ZNF324B: variants seen among roughly 807,000 people sequenced by gnomAD.
ZNF324B encodes zinc finger protein 324B.
ZNF324B carries 7 observed loss-of-function variants against 10.6 expected under a neutral mutation model. The observed-to-expected ratio is 0.66, with a 90% CI of 0.38 to 1.24. ZNF324B has a LOEUF of 1.24. Ranked by LOEUF, ZNF324B falls within the 50% of genes most tolerant of loss-of-function variation. The pLI is 0.02. For missense variants in ZNF324B, 640 were observed against 764.7 expected (o/e 0.84, Z 1.92); for synonymous variants, 316 against 321.0 (o/e 0.98, Z 0.17).
At chr19:58,451,196 G>A (rs528863887), upstream of ZNF324B, among the ~76,000 whole-genome samples, 15 of 152,308 alleles carry the variant, frequency 9.8e-5, no homozygotes, top group South Asian at 2.9e-3. Context: ...AGCTGGGAAG[G>A]GAACCCGGAG....
the ZNF324B span, among the ~76,000 whole-genome samples, chr19:58,427,449 T>TTCCTTCCTTCCTTCC: frequency 3.7e-5 from 2 of 54,754 alleles, no homozygotes; most frequent in Non-Finnish European, 3.1e-5. Context: ...CTTCCTTTCC[T>TTCCTTCCTTCCTTCC]TTCCCTTCCT....
At chr19:58,440,011 G>A in the ZNF324B span, 14 of 602,856 alleles carry the variant, frequency 2.3e-5, no homozygotes, top group Non-Finnish European at 3.7e-5. Context: ...GAACACCTTG[G>A]CTCATAAAAG....
At chr19:58,434,927 A>G in the ZNF324B span, 2 of 1,614,082 alleles carry the variant, frequency 1.2e-6, no homozygotes, top group Non-Finnish European at 8.5e-7. Context: ...CTGTCCTTGT[A>G]CCATCTAAAG....
At chr19:58,419,725 G>A in the ZNF324B span, among the ~76,000 whole-genome samples, 1 of 152,218 alleles carries the variant, frequency 6.6e-6, no homozygotes, top group Non-Finnish European at 1.5e-5. Context: ...GGCCTTTGCA[G>A]TTGTCAAGTT....
chr19:58,424,981 C>G, the ZNF324B span, among the ~76,000 whole-genome samples: 1 of 152,106 alleles, frequency 6.6e-6, no homozygotes, highest in Non-Finnish European at 1.5e-5. Context: ...TTTGGCCAGG[C>G]ACTGTGGCTC....
chr19:58,434,446 G>T, the ZNF324B span: 12 of 1,614,136 alleles, frequency 7.4e-6, no homozygotes, highest in East Asian at 4.5e-5. Context: ...ATGAACAAAT[G>T]TGAGTTTGTG....
At chr19:58,435,450 C>T in the ZNF324B span, 1 of 459,788 alleles carries the variant, frequency 2.2e-6, no homozygotes, top group East Asian at 3.6e-5. Flanking sequence ...GGTCAAAGGA[C>T]TTAAATAGAC....
chr19:58,423,730 G>A, the ZNF324B span, among the ~76,000 whole-genome samples: 1,200 of 152,176 alleles, frequency 7.9e-3, 24 homozygotes, highest in African/African-American at 0.028. Context: ...CATAGACCAC[G>A]GAAACATAAT....
chr19:58,419,091 A>G, the ZNF324B span: 2 of 152,142 alleles, frequency 1.3e-5, no homozygotes, highest in African/African-American at 4.8e-5. Flanking sequence ...CCTAATTTGT[A>G]TTGGCCCCTG....
chr19:58,450,692 G>A (rs1715294097), upstream of ZNF324B, among the ~76,000 whole-genome samples: 1 of 152,138 alleles, frequency 6.6e-6, no homozygotes, highest in Non-Finnish European at 1.5e-5. Flanking sequence ...ATTTATAGAT[G>A]GAGGTGGGTA....
In ZNF324B at chr19:58,455,564, T is replaced by C; in HGVS notation, c.620T>C (p.Phe207Ser). The change falls in exon 4 of 4, where the codon TTC becomes TCC. Residue 207 changes from phenylalanine (F) to serine (S), a missense_variant. By Grantham distance (155) the Phe-to-Ser change is radical (BLOSUM62 -2). Transcript: ENST00000336614. The surrounding 1 kb of genome is among the most constrained non-coding windows in gnomAD (Gnocchi z 7.0). ...GCACAGGAGGTCCCTGGGAGAGCCTTCGGGAATGCCTCGGACCTGAAGGCC... is the reference window on the plus strand; with the variant it reads ...GCACAGGAGGTCCCTGGGAGAGCCTCCGGGAATGCCTCGGACCTGAAGGCC... ...PCAQEVPGRA[F>S]GNASDLKAAS... is the part of the protein sequence containing the mutation. 1 of 1,614,048 alleles carries C rather than the reference T, an allele frequency of 6.2e-7. No homozygotes were observed. The highest frequency in any genetic ancestry group is 8.5e-7 in the Non-Finnish European group (1 of 1,180,004).
At chr19:58,426,485 G>T in the ZNF324B span, among the ~76,000 whole-genome samples, 1 of 152,282 alleles carries the variant, frequency 6.6e-6, no homozygotes, top group East Asian at 1.9e-4. Context: ...CTGTGCCCCA[G>T]ATCGCACAAT....
chr19:58,439,793 A>G, the ZNF324B span: 14 of 1,547,646 alleles, frequency 9.0e-6, no homozygotes, highest in Non-Finnish European at 1.0e-5. Flanking sequence ...TGGCAACCCC[A>G]TTAGAACCTG....
the ZNF324B span, among the ~76,000 whole-genome samples, chr19:58,432,618 G>C: frequency 6.6e-6 from 1 of 152,134 alleles, no homozygotes. Context: ...ACTGAAACAG[G>C]CCACTATGTT....
At chr19:58,423,031 A>G in the ZNF324B span, among the ~76,000 whole-genome samples, 2 of 151,420 alleles carry the variant, frequency 1.3e-5, no homozygotes, top group East Asian at 2.0e-4. Context: ...CACTATGCTC[A>G]GCTAATTTTT....
At chr19:58,434,752 G>A in the ZNF324B span, 2 of 1,614,160 alleles carry the variant, frequency 1.2e-6, no homozygotes, top group Non-Finnish European at 8.5e-7. Flanking sequence ...TTTCTGTGTG[G>A]TACAGACTTC....
At chr19:58,429,147 A>T in the ZNF324B span, 1 of 152,164 alleles carries the variant, frequency 6.6e-6, no homozygotes, top group Non-Finnish European at 1.5e-5. Flanking sequence ...CTTCCTGCCC[A>T]TGCGGCTGTT....
At chr19:58,427,328 T>C in the ZNF324B span, among the ~76,000 whole-genome samples, 2 of 96,264 alleles carry the variant, frequency 2.1e-5, no homozygotes, top group East Asian at 2.4e-4. Context: ...TCTTTCTTTC[T>C]TTCTTTCTTT....
chr19:58,422,801 C>CAA, the ZNF324B span, among the ~76,000 whole-genome samples: 4 of 148,194 alleles, frequency 2.7e-5, no homozygotes, highest in African/African-American at 9.9e-5. Flanking sequence ...AACCCCCTTC[C>CAA]AAAAAAAAAA....
Sources: allele counts gnomAD v4.1 joint callset (sites outside exome capture counted in the v4.1 genomes callset), GRCh38; gene constraint gnomAD v4.1.1; non-coding constraint Gnocchi (gnomAD v3.1); transcripts MANE v1.5; gene names NCBI Gene and HGNC (gene_info 2026-07-23, HGNC 2026-07-21).